SPPL3: variants seen among roughly 807,000 people sequenced by gnomAD.
The protein encoded by SPPL3 is signal peptide peptidase like 3.
Under a neutral mutation model 42.4 loss-of-function variants are expected in SPPL3, and 5 were observed. The observed-to-expected ratio is 0.12, with a 90% CI of 0.06 to 0.25. The LOEUF is 0.25. Among genes scored for constraint, SPPL3 ranks in the 10% least tolerant of loss-of-function variants. SPPL3 has a pLI of 1.00. For missense variants in SPPL3, 235 were observed against 489.0 expected, an observed-to-expected ratio of 0.48 and a Z score of 4.90; for synonymous variants, 195 against 181.8, an observed-to-expected ratio of 1.07 and a Z score of -0.58.
At position 120,807,789 on chromosome 12, in the gene SPPL3, G is replaced by A. The variant is rs1367393910; in HGVS notation, c.101+3020C>T. Among the ~76,000 whole-genome samples the A allele has an allele frequency of 2.6e-5, 4 of 152,072 alleles. No individual in the cohort carries two copies. The South Asian group carries it at 6.2e-4, about 24-fold the overall frequency. On this transcript the variant is annotated intron_variant, in intron 2 of 10. Coordinates refer to ENST00000353487, the MANE Select transcript of SPPL3 (RefSeq NM_139015.5). Reference sequence around the variant, plus strand: ...CCCACAAAGAGAAGCCCAACTGTAGGTGGCTTCACTGGTGAATCCTATCAA... The same window carrying A: ...CCCACAAAGAGAAGCCCAACTGTAGATGGCTTCACTGGTGAATCCTATCAA...
At chr12:120,848,541 A>G (rs1239909918) in intron 1 of SPPL3, among the ~76,000 whole-genome samples, 1 of 152,120 alleles carries the variant, frequency 6.6e-6, no homozygotes, top group South Asian at 2.1e-4. Context: ...CCCCCGCCAC[A>G]CCCCAGAAAG....
At chr12:120,791,927 ACT>A (rs994064623) in intron 2 of SPPL3, 2 of 237,280 alleles carry the variant, frequency 8.4e-6, no homozygotes, top group African/African-American at 4.7e-5. Context: ...GCATCAGTTC[ACT>A]CTCTCAGCAG....
Position 120,903,894 on chromosome 12 carries a change from C to T in SPPL3, c.-27G>A. 3 of 1,386,914 alleles carry T rather than the reference C, an allele frequency of 2.2e-6. No individual in the cohort carries two copies. Among genetic ancestry groups the T allele is most frequent in the Middle Eastern group, 2.6e-4 (1 of 3,858 alleles). The allele number at this position is 1,386,914 out of a possible 1,614,324, so 85.9% of individuals were successfully genotyped here. On this transcript the variant is annotated 5_prime_UTR_variant, in exon 1 of 11. Coordinates refer to ENST00000353487, the MANE Select transcript of SPPL3 (RefSeq NM_139015.5). ...GCGCTGCCTCTCGTGGGCTCCGCTG[C>T]AGGCTGTGGCCGGGCCCGGCGGCGG...
intron 2 of SPPL3, among the ~76,000 whole-genome samples, chr12:120,792,609 A>G (rs1869956677): frequency 2.0e-5 from 3 of 150,070 alleles, no homozygotes; most frequent in Non-Finnish European, 4.4e-5. Flanking sequence ...CTGAGGCAGG[A>G]TAATTGCTTG....
At chr12:120,767,776 C>A (rs1868964946) in intron 8 of SPPL3, among the ~76,000 whole-genome samples, 183 bp from the exon 9 acceptor site, 1 of 152,204 alleles carries the variant, frequency 6.6e-6, no homozygotes, top group African/African-American at 2.4e-5. Flanking sequence ...AGTACTGGCA[C>A]TAGAGGTCTC....
chr12:120,811,086 C>A, intron 1 of SPPL3, 200 bp from the exon 2 acceptor site: 2 of 432,920 alleles, frequency 4.6e-6, no homozygotes, highest in Non-Finnish European at 8.2e-6. Flanking sequence ...GGTAGGTTTA[C>A]AGCTATTATT....
At chr12:120,768,232 GATC>G in intron 8 of SPPL3, 90 bp downstream of exon 8, 1 of 1,442,390 alleles carries the variant, frequency 6.9e-7, no homozygotes, top group Non-Finnish European at 9.3e-7. Flanking sequence ...CCCAGGTTGG[GATC>G]AGAATGCTGA....
chr12:120,804,436 T>G (rs925770534), intron 2 of SPPL3, among the ~76,000 whole-genome samples: 2 of 150,558 alleles, frequency 1.3e-5, no homozygotes, highest in Non-Finnish European at 3.0e-5. Context: ...GACAGAAGAG[T>G]TGAAAAGACA....
Position 120,867,445 on chromosome 12 carries a change from T to A in SPPL3, c.23+36400A>T, listed in dbSNP as rs570707206. ...ACTTTGGAAGGCCGAGGTGGGTGGA[T>A]CACAAGGTCAGGAGATCGAGACCAT... On this transcript the variant is annotated intron_variant, in intron 1 of 10. Transcript: ENST00000353487. Among the ~76,000 whole-genome samples the A allele has an allele frequency of 5.3e-5, 8 of 152,194 alleles. No individual in the cohort carries two copies. The South Asian group carries it at 1.7e-3, about 32-fold the overall frequency.
chr12:120,890,506 T>C (rs1015680696), intron 1 of SPPL3, among the ~76,000 whole-genome samples: 1 of 150,778 alleles, frequency 6.6e-6, no homozygotes, highest in African/African-American at 2.4e-5. Context: ...GGAGAATCGC[T>C]TGAATCTGGA....
In SPPL3 at chr12:120,810,790, C is replaced by G. The variant is rs1472885489; in HGVS notation, c.101+19G>C. ...CTTCCACCTCCAACTTGTATCAACC[C>G]CATTTGAGAATATCTTACCTGAAAC... On this transcript the variant is annotated intron_variant, in intron 2 of 10. Coordinates refer to ENST00000353487, the MANE Select transcript of SPPL3 (RefSeq NM_139015.5). 6.3e-7 allele frequency: 1 copy of G among 1,581,312 alleles called. No individual in the cohort carries two copies. Among genetic ancestry groups the G allele is most frequent in the South Asian group, 1.1e-5 (1 of 89,420 alleles).
At chr12:120,873,455 C>T (rs1872989751) in intron 1 of SPPL3, among the ~76,000 whole-genome samples, 1 of 152,006 alleles carries the variant, frequency 6.6e-6, no homozygotes, top group East Asian at 1.9e-4. Context: ...CTCAAAAAGC[C>T]CCAAACAAAA....
chr12:120,821,327 C>T (rs1393568644), intron 1 of SPPL3, among the ~76,000 whole-genome samples: 1 of 152,226 alleles, frequency 6.6e-6, no homozygotes, highest in Non-Finnish European at 1.5e-5. Context: ...AAAGCATGCG[C>T]TTTTGATTGT....
intron 1 of SPPL3, among the ~76,000 whole-genome samples, chr12:120,860,439 G>A (rs1350300583): frequency 1.3e-5 from 2 of 152,172 alleles, no homozygotes; most frequent in Non-Finnish European, 2.9e-5. Context: ...TCCAGTAACA[G>A]ACTACAAGAA....
intron 1 of SPPL3, among the ~76,000 whole-genome samples, chr12:120,840,683 T>C (rs1200472296): frequency 8.6e-5 from 13 of 151,710 alleles, no homozygotes; most frequent in African/African-American, 3.1e-4. Flanking sequence ...AATACAAAAA[T>C]AGCTGGGTGT....
chr12:120,896,745 C>G (rs552418564), intron 1 of SPPL3, among the ~76,000 whole-genome samples: 1 of 151,700 alleles, frequency 6.6e-6, no homozygotes, highest in Non-Finnish European at 1.5e-5. Flanking sequence ...CACCACTACA[C>G]TCTAGACTGG....
chr12:120,864,084 T>C (rs1005252694), intron 1 of SPPL3, among the ~76,000 whole-genome samples: 1 of 152,230 alleles, frequency 6.6e-6, no homozygotes, highest in Non-Finnish European at 1.5e-5. Flanking sequence ...TCACTCTGAA[T>C]GGATCCTTAC....
At chr12:120,769,980 A>G (rs1869057867) in intron 6 of SPPL3, 1 of 148,082 alleles carries the variant, frequency 6.8e-6, no homozygotes, top group African/African-American at 2.5e-5. Flanking sequence ...AAATTTCTCT[A>G]TAGACCCCAA....
At chr12:120,786,411 T>A (rs571060238) in intron 3 of SPPL3, among the ~76,000 whole-genome samples, 1 of 152,322 alleles carries the variant, frequency 6.6e-6, no homozygotes, top group Admixed American at 6.5e-5. Flanking sequence ...CAGAAAATAA[T>A]GTTTCTCAGA....
Sources: allele counts gnomAD v4.1 joint callset (sites outside exome capture counted in the v4.1 genomes callset), GRCh38; gene constraint gnomAD v4.1.1; transcripts MANE v1.5; gene names NCBI Gene and HGNC (gene_info 2026-07-23, HGNC 2026-07-21).